NFIB: variants seen among roughly 807,000 people sequenced by gnomAD.
NFIB encodes nuclear factor 1 B-type.
NFIB carries 11 observed loss-of-function variants against 61.5 expected under a neutral mutation model. The observed-to-expected ratio is 0.18, with a 90% CI of 0.11 to 0.30. The LOEUF (loss-of-function observed/expected upper bound fraction) is 0.30. Among genes scored for constraint, NFIB ranks in the 10% least tolerant of loss-of-function variants. The probability of loss-of-function intolerance (pLI) is 1.00; values close to 1 mark genes in which losing one functional copy is unlikely to be tolerated. For missense variants in NFIB, 471 were observed against 608.9 expected (o/e 0.77, Z 2.38); for synonymous variants, 260 against 216.5 (o/e 1.20, Z -1.76).
chr9:14,106,400 A>G (rs1563790047), intron 10 of NFIB, among the ~76,000 whole-genome samples: 1 of 152,160 alleles, frequency 6.6e-6, no homozygotes, highest in Non-Finnish European at 1.5e-5. Flanking sequence ...GAACTAAGAA[A>G]GTAAGATTAT....
At position 14,111,299 on chromosome 9, in the gene NFIB, C is replaced by T. The variant is rs573121605; in HGVS notation, c.1467+1700G>A. Among the ~76,000 whole-genome samples, 8 of 152,096 alleles carry T rather than the reference C, an allele frequency of 5.3e-5. No individual in the cohort carries two copies. The East Asian group carries it at 9.6e-4, about 18-fold the overall frequency. ...TAGTAATCATAATTACATGAGGCTT[C>T]GACATTTATCATAAGGGATAAGAAA... On this transcript the variant is annotated intron_variant, in intron 10 of 10. Coordinates refer to ENST00000380953, the MANE Select transcript of NFIB (RefSeq NM_001190737.2).
At chr9:14,319,803 A>G (rs1420178920) in intron 1 of NFIB, among the ~76,000 whole-genome samples, 1 of 152,240 alleles carries the variant, frequency 6.6e-6, no homozygotes, top group Non-Finnish European at 1.5e-5. Flanking sequence ...CTGCATAACA[A>G]TGCATAACAA....
At chr9:14,468,208 G>A in the NFIB span, among the ~76,000 whole-genome samples, 2 of 152,354 alleles carry the variant, frequency 1.3e-5, no homozygotes, top group East Asian at 3.9e-4. Flanking sequence ...TTGTATAAGA[G>A]AGTATTTAGC....
the NFIB span, among the ~76,000 whole-genome samples, chr9:14,526,074 G>A: frequency 6.6e-6 from 1 of 152,260 alleles, no homozygotes; most frequent in South Asian, 2.1e-4. Flanking sequence ...CCAGCCGTGA[G>A]AGGAGCAAAT....
chr9:14,321,257 G>T (rs2060652776), intron 1 of NFIB, among the ~76,000 whole-genome samples: 1 of 151,894 alleles, frequency 6.6e-6, no homozygotes, highest in Non-Finnish European at 1.5e-5. Flanking sequence ...GAAAAAAATC[G>T]GCAGCAAAAA....
chr9:14,204,146 T>C (rs2049362635), intron 2 of NFIB: 3 of 460,340 alleles, frequency 6.5e-6, no homozygotes, highest in Non-Finnish European at 1.1e-5. Flanking sequence ...TCTTACAACA[T>C]TAAAATAACA....
intron 2 of NFIB, among the ~76,000 whole-genome samples, chr9:14,296,054 C>T (rs1563986056): frequency 6.6e-6 from 1 of 152,172 alleles, no homozygotes; most frequent in Non-Finnish European, 1.5e-5. Context: ...AATATTCACG[C>T]GCACTACAGT....
intron 1 of NFIB, among the ~76,000 whole-genome samples, chr9:14,341,874 C>T (rs766650990): frequency 8.0e-5 from 12 of 150,670 alleles, no homozygotes; most frequent in African/African-American, 2.4e-4. Context: ...TCCAGATGCA[C>T]TGATGTCTCA....
intron 2 of NFIB, among the ~76,000 whole-genome samples, chr9:14,223,836 A>C (rs963139079): frequency 3.3e-5 from 5 of 152,202 alleles, no homozygotes; most frequent in African/African-American, 1.2e-4. Context: ...AATACTAGGA[A>C]TCCACCTGGT....
intron 6 of NFIB, among the ~76,000 whole-genome samples, chr9:14,135,983 A>T (rs2040997233): frequency 6.6e-6 from 1 of 152,142 alleles, no homozygotes; most frequent in Non-Finnish European, 1.5e-5. Context: ...AGCACGGTTA[A>T]GTAGCATGTT....
intron 2 of NFIB, among the ~76,000 whole-genome samples, chr9:14,295,510 A>G (rs754682489): frequency 9.9e-5 from 15 of 151,808 alleles, no homozygotes; most frequent in Admixed American, 5.2e-4. Context: ...GGGCGCCTGT[A>G]GTCCCAGCTA....
the NFIB span, among the ~76,000 whole-genome samples, chr9:14,484,881 T>G: frequency 6.6e-6 from 1 of 152,188 alleles, no homozygotes; most frequent in Non-Finnish European, 1.5e-5. Context: ...AAATATATTT[T>G]TTTCAAAGTT....
chr9:14,235,665 T>C (rs1002046028), intron 2 of NFIB, among the ~76,000 whole-genome samples: 4 of 152,234 alleles, frequency 2.6e-5, no homozygotes, highest in African/African-American at 7.2e-5. Context: ...AACTCTAATC[T>C]TCACGTACTG....
At chr9:14,100,667 T>C (rs2035639364) in intron 10 of NFIB, among the ~76,000 whole-genome samples, 1 of 152,220 alleles carries the variant, frequency 6.6e-6, no homozygotes, top group Non-Finnish European at 1.5e-5. Flanking sequence ...TGAGCCGAGA[T>C]TGCGCCACTG....
the NFIB span, among the ~76,000 whole-genome samples, chr9:14,443,528 G>A: frequency 1.3e-5 from 2 of 152,022 alleles, no homozygotes; most frequent in African/African-American, 2.4e-5. Flanking sequence ...TGAAAACTGC[G>A]ATGCCATCCT....
At chr9:14,190,100 T>C (rs981831995) in intron 2 of NFIB, among the ~76,000 whole-genome samples, 8 of 152,208 alleles carry the variant, frequency 5.3e-5, no homozygotes, top group Non-Finnish European at 7.3e-5. Context: ...GCTAAAAAGA[T>C]ACTTTGCCAA....
intron 3 of NFIB, among the ~76,000 whole-genome samples, chr9:14,178,964 T>C (rs951932115): frequency 1.6e-4 from 25 of 152,164 alleles, no homozygotes; most frequent in African/African-American, 6.0e-4. Flanking sequence ...GTGTTTGGTT[T>C]TGTTTTTGTT....
At chr9:14,155,937 AG>A in intron 3 of NFIB, 44 bp from the exon 4 acceptor site, 1 of 1,234,550 alleles carries the variant, frequency 8.1e-7, no homozygotes, top group Non-Finnish European at 1.1e-6. Flanking sequence ...ATAAGCAGAA[AG>A]TAAAATAAAT....
At chr9:14,316,343 T>G (rs2060539723), upstream of NFIB, among the ~76,000 whole-genome samples, 1 of 151,996 alleles carries the variant, frequency 6.6e-6, no homozygotes, top group South Asian at 2.1e-4. Context: ...AGAAAGGCGC[T>G]GGGGGGTGGG....
Sources: allele counts gnomAD v4.1 joint callset (sites outside exome capture counted in the v4.1 genomes callset), GRCh38; gene constraint gnomAD v4.1.1; transcripts MANE v1.5; gene names NCBI Gene and HGNC (gene_info 2026-07-23, HGNC 2026-07-21).